Variants in TBXAS1 observed in about 807,000 individuals in gnomAD.
The protein encoded by TBXAS1 is thromboxane A synthase 1, also known as thromboxane-A synthase.
A neutral mutation model predicts 60.7 loss-of-function variants in TBXAS1; 48 were observed. The observed-to-expected ratio is 0.79, with a 90% CI of 0.63 to 1.01. TBXAS1 has a LOEUF of 1.01. Among genes scored for constraint, TBXAS1 ranks in the 50% least tolerant of loss-of-function variants. The pLI is 0.00. For missense variants in TBXAS1, 685 were observed against 686.3 expected, an observed-to-expected ratio of 1.00 and a Z score of 0.02; for synonymous variants, 287 against 269.7, an observed-to-expected ratio of 1.06 and a Z score of -0.63.
intron 4 of TBXAS1, among the ~76,000 whole-genome samples, chr7:139,806,242 G>GTTTTTTATT (rs1797873244): frequency 2.4e-5 from 3 of 125,940 alleles, no homozygotes; most frequent in Non-Finnish European, 4.9e-5. Context: ...CCTGGCCTAT[G>GTTTTTTATT]TTATTTTATT....
intron 9 of TBXAS1, among the ~76,000 whole-genome samples, chr7:139,970,776 G>A (rs548388166): frequency 9.9e-5 from 15 of 152,256 alleles, no homozygotes; most frequent in African/African-American, 3.4e-4. Flanking sequence ...AGGTTAGGGG[G>A]AGCTTTTGAG....
At chr7:140,012,803 CA>C (rs1328555054) in intron 10 of TBXAS1, among the ~76,000 whole-genome samples, 1 of 152,142 alleles carries the variant, frequency 6.6e-6, no homozygotes, top group Non-Finnish European at 1.5e-5. Flanking sequence ...ACTCGAAGTC[CA>C]AAAGTCTACC....
intron 3 of TBXAS1, among the ~76,000 whole-genome samples, chr7:139,893,669 G>A (rs1803839153): frequency 6.6e-6 from 1 of 152,094 alleles, no homozygotes; most frequent in Non-Finnish European, 1.5e-5. Context: ...AACTTGAATT[G>A]TAATCTTCAG....
intron 4 of TBXAS1, among the ~76,000 whole-genome samples, chr7:139,800,029 G>A (rs910222517): frequency 3.3e-5 from 5 of 151,994 alleles, no homozygotes; most frequent in East Asian, 1.9e-4. Context: ...TAAACAACCC[G>A]TCGGCAAGTC....
At chr7:139,831,066 G>A (rs2116488086) in intron 1 of TBXAS1, among the ~76,000 whole-genome samples, 1 of 152,118 alleles carries the variant, frequency 6.6e-6, no homozygotes, top group African/African-American at 2.4e-5. Context: ...AACAGGAAGT[G>A]AGAGCTGACT....
chr7:139,952,574 G>A, intron 5 of TBXAS1: 5 of 1,537,236 alleles, frequency 3.3e-6, no homozygotes, highest in Non-Finnish European at 4.4e-6. Flanking sequence ...TCATGCAAGA[G>A]AGAATAAAAG....
At chr7:139,958,990 C>T (rs1431828186) in intron 8 of TBXAS1, among the ~76,000 whole-genome samples, 5 of 143,262 alleles carry the variant, frequency 3.5e-5, no homozygotes, top group African/African-American at 1.0e-4. Flanking sequence ...CTACTAAGGG[C>T]CACCTTTTGA....
intron 9 of TBXAS1, among the ~76,000 whole-genome samples, chr7:139,996,854 C>A (rs1313505657): frequency 2.6e-5 from 4 of 152,252 alleles, no homozygotes; most frequent in African/African-American, 9.6e-5. Context: ...ACAGCCACTG[C>A]TGATAAGGCT....
intron 3 of TBXAS1, among the ~76,000 whole-genome samples, chr7:139,892,257 G>A (rs562947201): frequency 2.6e-5 from 4 of 152,252 alleles, no homozygotes; most frequent in Admixed American, 2.6e-4. Context: ...CCCTACTGAT[G>A]GGACTAGAAT....
chr7:139,910,344 T>C (rs531144403), intron 3 of TBXAS1, among the ~76,000 whole-genome samples: 4 of 152,244 alleles, frequency 2.6e-5, no homozygotes, highest in South Asian at 4.1e-4. Context: ...TGTCATTAAG[T>C]ATCTGTTGAG....
intron 8 of TBXAS1, among the ~76,000 whole-genome samples, chr7:139,959,759 C>G (rs1810177546): frequency 6.6e-6 from 1 of 152,184 alleles, no homozygotes; most frequent in Non-Finnish European, 1.5e-5. Flanking sequence ...AAAGCCATAG[C>G]CAAGCCTCAG....
At chr7:139,915,867 C>T (rs1805923781) in intron 4 of TBXAS1, among the ~76,000 whole-genome samples, 1 of 149,592 alleles carries the variant, frequency 6.7e-6, no homozygotes, top group Admixed American at 6.6e-5. Context: ...TTCCCATTCA[C>T]AGTTTTTGGG....
intron 10 of TBXAS1, among the ~76,000 whole-genome samples, chr7:140,014,462 G>A (rs1393775732): frequency 6.6e-6 from 1 of 152,142 alleles, no homozygotes; most frequent in Admixed American, 6.6e-5. Context: ...ATCTGGGAGG[G>A]CAGACGAAAT....
At chr7:139,839,518 G>T (rs780475092) in intron 1 of TBXAS1, among the ~76,000 whole-genome samples, 2 of 152,010 alleles carry the variant, frequency 1.3e-5, no homozygotes, top group South Asian at 4.1e-4. Context: ...CCAAGACCCA[G>T]AGGTACATAA....
intron 1 of TBXAS1, among the ~76,000 whole-genome samples, chr7:139,870,610 G>A (rs1801748211): frequency 1.3e-5 from 2 of 152,150 alleles, no homozygotes; most frequent in South Asian, 4.1e-4. Context: ...CTAATCCTTG[G>A]CGTTCACGTG....
chr7:139,799,075 CTTTTT>C (rs59263161), intron 4 of TBXAS1, among the ~76,000 whole-genome samples: 5 of 118,706 alleles, frequency 4.2e-5, no homozygotes, highest in Non-Finnish European at 8.4e-5. Context: ...CCATACACTG[CTTTTT>C]TTTTTTTTTT....
intron 3 of TBXAS1, among the ~76,000 whole-genome samples, chr7:139,904,825 T>A (rs892523124): frequency 5.9e-5 from 9 of 152,144 alleles, no homozygotes; most frequent in Admixed American, 5.2e-4. Context: ...GAATTTTTTT[T>A]ATCAGTTCCA....
chr7:139,898,619 C>T (rs964160211), intron 3 of TBXAS1, among the ~76,000 whole-genome samples: 2 of 151,890 alleles, frequency 1.3e-5, no homozygotes, highest in Admixed American at 6.6e-5. Flanking sequence ...CCTGTGCATG[C>T]CTTTCTGTTC....
intron 4 of TBXAS1, among the ~76,000 whole-genome samples, chr7:139,931,216 C>A (rs1569515134): frequency 6.6e-6 from 1 of 152,126 alleles, no homozygotes; most frequent in Non-Finnish European, 1.5e-5. Flanking sequence ...TCTTTCTCTC[C>A]TTTTTTTAAA....
Sources: gnomAD v4.1 joint callset for allele counts (sites outside exome capture counted in the v4.1 genomes callset) on GRCh38, gnomAD v4.1.1 for gene constraint, MANE v1.5 for transcripts, NCBI Gene and HGNC (gene_info 2026-07-23, HGNC 2026-07-21) for gene names.